Variants in CCDC91 observed in about 807,000 individuals in gnomAD.
CCDC91 encodes the protein coiled-coil domain-containing protein 91.
In CCDC91, 48 loss-of-function variants were observed where a neutral mutation model predicts 63.2. The observed-to-expected ratio is 0.76, with a 90% confidence interval of 0.60 to 0.97. The LOEUF is 0.97. Ranked by LOEUF, CCDC91 falls within the 50% of genes least tolerant of loss-of-function variation. CCDC91 has a pLI of 0.00. For synonymous variants in CCDC91, 167 were observed against 165.8 expected, an observed-to-expected ratio of 1.01 and a Z score of -0.06; for missense variants, 500 against 494.6, an observed-to-expected ratio of 1.01 and a Z score of -0.10.
intron 7 of CCDC91, among the ~76,000 whole-genome samples, chr12:28,377,423 C>G (rs918579313): frequency 2.0e-5 from 3 of 151,534 alleles, no homozygotes; most frequent in Admixed American, 2.0e-4. Context: ...GAAAAATAGC[C>G]TGAAAAAGGC....
chr12:28,540,310 G>A (rs1344836490), intron 12 of CCDC91, among the ~76,000 whole-genome samples: 1 of 151,998 alleles, frequency 6.6e-6, no homozygotes, highest in African/African-American at 2.4e-5. Flanking sequence ...TGCATTTTCA[G>A]GGAACCATTT....
At chr12:28,452,747 A>T in intron 11 of CCDC91, 93 bp downstream of exon 11, 1 of 519,884 alleles carries the variant, frequency 1.9e-6, no homozygotes, top group Non-Finnish European at 3.2e-6. Context: ...TACTTAAAAC[A>T]ACCTTAGTAG....
intron 7 of CCDC91, among the ~76,000 whole-genome samples, chr12:28,364,324 G>A (rs527489719): frequency 6.6e-6 from 1 of 151,828 alleles, no homozygotes; most frequent in African/African-American, 2.4e-5. Context: ...GGAGGCGGAG[G>A]TTGCAGTGAG....
intron 8 of CCDC91, among the ~76,000 whole-genome samples, chr12:28,400,180 C>T (rs985907986): frequency 3.9e-5 from 6 of 152,152 alleles, no homozygotes; most frequent in South Asian, 4.1e-4. Flanking sequence ...TCCCAAACCT[C>T]GATTCTTGAT....
intron 8 of CCDC91, among the ~76,000 whole-genome samples, chr12:28,426,798 C>T (rs1270887862): frequency 2.0e-5 from 3 of 151,846 alleles, no homozygotes; most frequent in Admixed American, 6.6e-5. Context: ...TTGTCATATC[C>T]GAAACTAGTT....
At chr12:28,372,355 T>G (rs1009669195) in intron 7 of CCDC91, among the ~76,000 whole-genome samples, 3 of 152,204 alleles carry the variant, frequency 2.0e-5, no homozygotes, top group Non-Finnish European at 2.9e-5. Context: ...TTTTTTCTAT[T>G]TTGTGAACAA....
At chr12:28,385,572 G>T (rs971063750) in intron 7 of CCDC91, among the ~76,000 whole-genome samples, 2 of 152,088 alleles carry the variant, frequency 1.3e-5, no homozygotes, top group African/African-American at 4.8e-5. Flanking sequence ...TTAATGGGTT[G>T]TTAGATAAAA....
At chr12:28,507,511 A>T (rs775362312) in intron 12 of CCDC91, among the ~76,000 whole-genome samples, 5 of 151,970 alleles carry the variant, frequency 3.3e-5, no homozygotes, top group Non-Finnish European at 7.4e-5. Context: ...TGTTATAAAG[A>T]TATTTGTCCA....
intron 6 of CCDC91, among the ~76,000 whole-genome samples, chr12:28,325,803 G>A (rs981883529): frequency 6.6e-6 from 1 of 152,004 alleles, no homozygotes; most frequent in South Asian, 2.1e-4. Flanking sequence ...GGTAGGGCAA[G>A]GGGGTGGGGA....
At chr12:28,481,140 G>A (rs190484516) in intron 11 of CCDC91, among the ~76,000 whole-genome samples, 56 of 152,094 alleles carry the variant, frequency 3.7e-4, no homozygotes, top group Non-Finnish European at 1.2e-4. Flanking sequence ...CATTTGGATA[G>A]GATGTTTCTG....
chr12:28,214,202 A>C (rs1454801265), intron 1 of CCDC91, among the ~76,000 whole-genome samples: 1 of 152,146 alleles, frequency 6.6e-6, no homozygotes. Context: ...GACTCCTCAT[A>C]TCTCTGAATC....
intron 12 of CCDC91, among the ~76,000 whole-genome samples, chr12:28,542,343 T>A (rs1422949827): frequency 6.6e-6 from 1 of 152,102 alleles, no homozygotes; most frequent in Non-Finnish European, 1.5e-5. Flanking sequence ...TTATACCCAT[T>A]TTTCATGCTC....
chr12:28,356,596 G>A (rs1480730787), intron 6 of CCDC91, among the ~76,000 whole-genome samples: 3 of 152,118 alleles, frequency 2.0e-5, no homozygotes, highest in South Asian at 4.1e-4. Context: ...CAGTGGATTC[G>A]TTGTTGTGAA....
chr12:28,477,879 T>A (rs1951201071), intron 11 of CCDC91, among the ~76,000 whole-genome samples: 1 of 151,974 alleles, frequency 6.6e-6, no homozygotes, highest in South Asian at 2.1e-4. Flanking sequence ...TCAAAGAGAA[T>A]AAAATACCTA....
intron 1 of CCDC91, among the ~76,000 whole-genome samples, chr12:28,253,328 C>T (rs1316267763): frequency 6.6e-6 from 1 of 152,036 alleles, no homozygotes; most frequent in African/African-American, 2.4e-5. Flanking sequence ...ACATATTTAA[C>T]CACCCTCTCC....
At chr12:28,215,564 G>A (rs920094120) in intron 1 of CCDC91, among the ~76,000 whole-genome samples, 3 of 152,020 alleles carry the variant, frequency 2.0e-5, no homozygotes, top group African/African-American at 7.2e-5. Context: ...AAGAAGAGTG[G>A]CCTTTAGCTT....
At chr12:28,262,221 C>A (rs1259365327) in intron 3 of CCDC91, among the ~76,000 whole-genome samples, 1 of 151,808 alleles carries the variant, frequency 6.6e-6, no homozygotes. Flanking sequence ...CTCCTTTTTT[C>A]CCACCTACCT....
chr12:28,340,617 G>C (rs2137959003), intron 6 of CCDC91, among the ~76,000 whole-genome samples: 1 of 152,238 alleles, frequency 6.6e-6, no homozygotes, highest in East Asian at 1.9e-4. Context: ...CCCCTTGCAG[G>C]GTGTGTAATG....
At chr12:28,376,647 A>G (rs1944965447) in intron 7 of CCDC91, among the ~76,000 whole-genome samples, 2 of 151,818 alleles carry the variant, frequency 1.3e-5, no homozygotes, top group Admixed American at 1.3e-4. Flanking sequence ...ATTATAGCTT[A>G]AGGAATATGA....
Sources: gnomAD v4.1 joint callset for allele counts (sites outside exome capture counted in the v4.1 genomes callset) on GRCh38, gnomAD v4.1.1 for gene constraint, MANE v1.5 for transcripts, NCBI Gene and HGNC (gene_info 2026-07-23, HGNC 2026-07-21) for gene names.